The following TENM4 variants were observed in gnomAD, a reference collection of about 807,000 sequenced individuals.
TENM4 encodes the protein teneurin-4.
Under a neutral mutation model 243.3 loss-of-function variants are expected in TENM4, and 82 were observed. That is an observed-to-expected ratio of 0.34 (90% CI 0.28 to 0.40). The LOEUF (loss-of-function observed/expected upper bound fraction) is 0.40, where lower values mean the gene tolerates loss of function less well. TENM4 is among the 10% of genes least tolerant of loss of function. The probability of loss-of-function intolerance (pLI) is 1.00; values close to 1 mark genes in which losing one functional copy is unlikely to be tolerated. For missense variants in TENM4, 3,138 were observed against 3,673.3 expected (o/e 0.85, Z 3.77); for synonymous variants, 1,412 against 1,456.3 (o/e 0.97, Z 0.69).
intron 1 of TENM4, among the ~76,000 whole-genome samples, chr11:79,429,936 A>G (rs1442116610): frequency 2.6e-5 from 4 of 152,212 alleles, no homozygotes; most frequent in Non-Finnish European, 4.4e-5. Flanking sequence ...ACAGACATTA[A>G]GTAATTTGAC....
rs377317773 is a variant in TENM4, at chr11:78,670,428, C to A, written c.5917G>T (p.Gly1973Cys). ...RQTLETIRSVGYYRNIYQPPE... is the reference protein window; with the variant it reads ...RQTLETIRSVCYYRNIYQPPE... ...GGCTGATAGATGTTTCTGTAGTAGC[C>A]CACTGAGCGGATGGTCTCTAGTGTC... Residue 1973 changes from glycine (G) to cysteine (C), a missense_variant, in exon 32 of 34, where the codon GGC becomes TGC. By Grantham distance (159) the Gly-to-Cys change is radical. Around this residue, in one of 2 missense-constraint regions of TENM4, gnomAD observed 2,467 missense variants for 3,059.1 expected, o/e 0.81. Coordinates refer to ENST00000278550, the MANE Select transcript of TENM4 (RefSeq NM_001098816.3). The A allele has an allele frequency of 2.2e-5, 35 of 1,613,984 alleles. No homozygotes were observed. In the African/African-American group the frequency reaches 4.1e-4, roughly 19 times the overall value.
intron 19 of TENM4, among the ~76,000 whole-genome samples, chr11:78,754,052 T>A (rs1048062255): frequency 6.6e-6 from 1 of 152,224 alleles, no homozygotes; most frequent in Non-Finnish European, 1.5e-5. Flanking sequence ...TCTTTATTCT[T>A]CAAGGCAATT....
intron 3 of TENM4, among the ~76,000 whole-genome samples, chr11:79,174,688 G>T (rs1208290069): frequency 6.6e-6 from 1 of 152,218 alleles, no homozygotes; most frequent in African/African-American, 2.4e-5. Context: ...TTCTCCAGAT[G>T]ACCTCCCTGC....
intron 6 of TENM4, among the ~76,000 whole-genome samples, chr11:79,060,895 T>C (rs1860068729): frequency 6.6e-6 from 1 of 152,114 alleles, no homozygotes; most frequent in Non-Finnish European, 1.5e-5. Context: ...ACAGGTCCAG[T>C]GGAACTGAGC....
intron 12 of TENM4, among the ~76,000 whole-genome samples, chr11:78,834,965 C>T (rs890640387): frequency 2.0e-5 from 3 of 152,184 alleles, no homozygotes; most frequent in Non-Finnish European, 4.4e-5. Context: ...CTCAGCATTC[C>T]GTGTCTCCAC....
At chr11:79,226,881 C>G (rs1190535713) in intron 2 of TENM4, among the ~76,000 whole-genome samples, 1 of 152,196 alleles carries the variant, frequency 6.6e-6, no homozygotes, top group South Asian at 2.1e-4. Context: ...GGGGCCAACT[C>G]AGCTTTGAAC....
At chr11:78,771,203 CACGCTACCTGCCAACTTGCA>C in intron 17 of TENM4, 65 bp from the exon 18 acceptor site, 1 of 1,532,764 alleles carries the variant, frequency 6.5e-7, no homozygotes, top group South Asian at 1.2e-5. Context: ...CACACACTAA[CACGCTACCTGCCAACTTGCA>C]AAATGCCTTC....
At chr11:78,891,150 A>G in intron 8 of TENM4, 88 bp downstream of exon 8, 1 of 1,234,012 alleles carries the variant, frequency 8.1e-7, no homozygotes, top group Non-Finnish European at 1.2e-6. Context: ...CCCCCAGAAG[A>G]TCCCAGGGAA....
At chr11:79,156,156 C>A (rs868201285) in intron 3 of TENM4, among the ~76,000 whole-genome samples, 3 of 152,154 alleles carry the variant, frequency 2.0e-5, no homozygotes, top group Non-Finnish European at 2.9e-5. Context: ...TTAAAGGTAT[C>A]CAGGAAACTC....
chr11:79,091,573 G>C (rs1860950545), intron 4 of TENM4, among the ~76,000 whole-genome samples: 1 of 152,110 alleles, frequency 6.6e-6, no homozygotes, highest in African/African-American at 2.4e-5. Flanking sequence ...TGCTACTCAA[G>C]GGGTGACACA....
intron 6 of TENM4, among the ~76,000 whole-genome samples, chr11:78,947,320 C>T (rs1002567884): frequency 6.6e-6 from 1 of 152,162 alleles, no homozygotes; most frequent in Non-Finnish European, 1.5e-5. Context: ...CTTCAAGGCT[C>T]AGTTTCAGAA....
chr11:78,736,726 A>G (rs1855806668), intron 20 of TENM4, among the ~76,000 whole-genome samples: 1 of 152,214 alleles, frequency 6.6e-6, no homozygotes. Context: ...ATTTTTGGAT[A>G]CTAAGAGAAC....
intron 19 of TENM4, among the ~76,000 whole-genome samples, chr11:78,748,052 A>G (rs982734456): frequency 1.3e-5 from 2 of 152,190 alleles, no homozygotes; most frequent in Admixed American, 1.3e-4. Flanking sequence ...CTAAGGTGCT[A>G]GGACATTTGC....
chr11:79,288,627 G>C (rs1000472248), intron 2 of TENM4, among the ~76,000 whole-genome samples: 2 of 152,196 alleles, frequency 1.3e-5, no homozygotes, highest in African/African-American at 4.8e-5. Context: ...CTTATCTTCA[G>C]ATCCATGATA....
At chr11:78,794,847 G>A (rs953094286) in intron 15 of TENM4, among the ~76,000 whole-genome samples, 2 of 152,160 alleles carry the variant, frequency 1.3e-5, no homozygotes, top group African/African-American at 2.4e-5. Flanking sequence ...CAGGCTTTAT[G>A]GTTAGAAAAG....
intron 6 of TENM4, among the ~76,000 whole-genome samples, chr11:79,044,755 A>T (rs1008685393): frequency 1.3e-5 from 2 of 152,214 alleles, no homozygotes; most frequent in African/African-American, 4.8e-5. Context: ...TTTGAGGATT[A>T]CGCAGACTAC....
intron 1 of TENM4, among the ~76,000 whole-genome samples, chr11:79,389,263 C>T (rs951813350): frequency 1.3e-5 from 2 of 152,172 alleles, no homozygotes; most frequent in Non-Finnish European, 2.9e-5. Flanking sequence ...TCAAGCCATC[C>T]TCCTGCCTCA....
At chr11:78,936,771 A>C (rs1277886706) in intron 6 of TENM4, among the ~76,000 whole-genome samples, 1 of 152,194 alleles carries the variant, frequency 6.6e-6, no homozygotes, top group Non-Finnish European at 1.5e-5. Flanking sequence ...TGTACATTTC[A>C]ATAATCATCC....
chr11:79,087,722 A>G (rs1347410317), intron 4 of TENM4, among the ~76,000 whole-genome samples: 4 of 152,224 alleles, frequency 2.6e-5, no homozygotes, highest in East Asian at 3.8e-4. Context: ...CTCACTGTAC[A>G]GAGGTGACAT....
Sources: gnomAD v4.1 joint callset for allele counts (sites outside exome capture counted in the v4.1 genomes callset) on GRCh38, gnomAD v4.1.1 for gene constraint, gnomAD v4.1.1 regional missense constraint, MANE v1.5 for transcripts, NCBI Gene and HGNC (gene_info 2026-07-23, HGNC 2026-07-21) for gene names.